CCDC30: variants seen among roughly 807,000 people sequenced by gnomAD.
CCDC30 encodes coiled-coil domain-containing protein 30.
CCDC30 carries 70 observed loss-of-function variants against 100.2 expected under a neutral mutation model. The observed-to-expected ratio is 0.70, with a 90% CI of 0.58 to 0.85. The LOEUF (loss-of-function observed/expected upper bound fraction) is 0.85. Ranked by LOEUF, CCDC30 falls within the 40% of genes least tolerant of loss-of-function variation. The pLI, the probability that CCDC30 is intolerant of heterozygous loss-of-function variation, is 0.00. For missense variants in CCDC30, 652 were observed against 771.2 expected, an observed-to-expected ratio of 0.85 and a Z score of 1.83; for synonymous variants, 233 against 269.5, an observed-to-expected ratio of 0.86 and a Z score of 1.33.
At chr1:42,496,923 A>G (rs1038038778) in intron 4 of CCDC30, among the ~76,000 whole-genome samples, 175 bp from the exon 5 acceptor site, 2 of 152,204 alleles carry the variant, frequency 1.3e-5, no homozygotes, top group Non-Finnish European at 2.9e-5. Context: ...ATATTCTAGG[A>G]CTAGACTTGA....
intron 3 of CCDC30, among the ~76,000 whole-genome samples, chr1:42,485,502 T>C (rs987694357): frequency 4.6e-5 from 7 of 152,064 alleles, no homozygotes; most frequent in Non-Finnish European, 1.0e-4. Context: ...AATTTAAAAA[T>C]GGGCAAAAGG....
chr1:42,459,854 C>T (rs146331223), upstream of CCDC30: 13 of 1,613,960 alleles, frequency 8.1e-6, no homozygotes, highest in African/African-American at 9.3e-5. Flanking sequence ...TAGAAAAAGG[C>T]GTAGAGATAG....
chr1:42,456,112 G>T, the CCDC30 span: 4 of 784,842 alleles, frequency 5.1e-6, no homozygotes, highest in African/African-American at 1.7e-5. Flanking sequence ...AGGGCAGAGG[G>T]CGGCGGGACG....
chr1:42,511,213 C>T (rs1644472765), intron 6 of CCDC30, among the ~76,000 whole-genome samples: 2 of 152,072 alleles, frequency 1.3e-5, no homozygotes, highest in Admixed American at 1.3e-4. Context: ...AGTTGTGGAA[C>T]CAGAGGAACT....
At chr1:42,563,853 G>A (rs12033466) in intron 6 of CCDC30, among the ~76,000 whole-genome samples, 30,298 of 151,538 alleles carry the variant, frequency 0.2, 3,330 homozygotes, top group South Asian at 0.42. Flanking sequence ...CTCCAGCCTG[G>A]GCGACAAAGC....
At chr1:42,638,085 T>C (rs1011313661) in intron 12 of CCDC30, among the ~76,000 whole-genome samples, 2 of 152,202 alleles carry the variant, frequency 1.3e-5, no homozygotes, top group African/African-American at 4.8e-5. Flanking sequence ...TTAATGTAAT[T>C]TCAGTGATTC....
At chr1:42,619,865 G>C (rs1646798296) in intron 11 of CCDC30, among the ~76,000 whole-genome samples, 1 of 152,038 alleles carries the variant, frequency 6.6e-6, no homozygotes, top group Non-Finnish European at 1.5e-5. Flanking sequence ...TTCTGAATAG[G>C]TATCCTGAAA....
At chr1:42,545,162 T>A (rs4261150) in intron 6 of CCDC30, among the ~76,000 whole-genome samples, 1,322 of 64,532 alleles carry the variant, frequency 0.02, 45 homozygotes, top group South Asian at 0.052. Flanking sequence ...AAAATACCTT[T>A]AAAAAAAAAA....
chr1:42,650,254 G>T (rs1011135666), intron 15 of CCDC30, among the ~76,000 whole-genome samples: 1 of 151,952 alleles, frequency 6.6e-6, no homozygotes, highest in African/African-American at 2.4e-5. Context: ...AGGCTGAGGG[G>T]GGCAGATTGC....
intron 6 of CCDC30, among the ~76,000 whole-genome samples, chr1:42,541,506 G>C (rs1041581075): frequency 6.6e-6 from 1 of 152,222 alleles, no homozygotes; most frequent in Non-Finnish European, 1.5e-5. Context: ...ACACTACAGA[G>C]ATAATGTTGT....
At chr1:42,474,525 T>C (rs886810707) in intron 1 of CCDC30, among the ~76,000 whole-genome samples, 3 of 152,218 alleles carry the variant, frequency 2.0e-5, no homozygotes, top group African/African-American at 7.2e-5. Flanking sequence ...CCTATGTTCC[T>C]TCTATACTAT....
intron 3 of CCDC30, among the ~76,000 whole-genome samples, chr1:42,483,922 G>T (rs1340465083): frequency 6.6e-6 from 1 of 151,366 alleles, no homozygotes; most frequent in Non-Finnish European, 1.5e-5. Flanking sequence ...GTTTTGGGGG[G>T]GTACTTTTAT....
chr1:42,509,717 A>C (rs927520019), intron 6 of CCDC30, among the ~76,000 whole-genome samples: 1 of 152,188 alleles, frequency 6.6e-6, no homozygotes, highest in Non-Finnish European at 1.5e-5. Context: ...AGAATCATGC[A>C]GAAAGACACA....
intron 10 of CCDC30, among the ~76,000 whole-genome samples, chr1:42,609,309 T>C (rs2148638704): frequency 6.6e-6 from 1 of 152,358 alleles, no homozygotes; most frequent in East Asian, 1.9e-4. Context: ...TTTTATTTTC[T>C]CTAGTTTACT....
At chr1:42,456,438 G>A in the CCDC30 span, 1 of 1,001,270 alleles carries the variant, frequency 1.0e-6, no homozygotes, top group East Asian at 2.8e-5. Flanking sequence ...GCGAGATCGG[G>A]ACCTAGTGTC....
At chr1:42,655,617 G>A (rs550936989), downstream of CCDC30, among the ~76,000 whole-genome samples, 16 of 152,008 alleles carry the variant, frequency 1.1e-4, no homozygotes, top group African/African-American at 3.4e-4. Flanking sequence ...TGGGGGAGGG[G>A]GTATGAGAAG....
intron 12 of CCDC30, among the ~76,000 whole-genome samples, chr1:42,641,215 TTGTG>T (rs71065188): frequency 0.024 from 3,230 of 132,330 alleles, 50 homozygotes; most frequent in African/African-American, 0.048. Flanking sequence ...CACATGGCTT[TTGTG>T]TGTGTGTGTG....
At chr1:42,536,572 G>A in intron 6 of CCDC30, 1 of 1,612,488 alleles carries the variant, frequency 6.2e-7, no homozygotes, top group Non-Finnish European at 8.5e-7. Context: ...TCTTGACACT[G>A]CAGAGAAGGC....
intron 6 of CCDC30, among the ~76,000 whole-genome samples, chr1:42,528,119 G>C (rs1346899742): frequency 6.6e-6 from 1 of 152,036 alleles, no homozygotes; most frequent in African/African-American, 2.4e-5. Context: ...ACCTTCCTTG[G>C]CCTCCAAAAG....
Sources: allele counts gnomAD v4.1 joint callset (sites outside exome capture counted in the v4.1 genomes callset), GRCh38; gene constraint gnomAD v4.1.1; transcripts MANE v1.5; gene names NCBI Gene and HGNC (gene_info 2026-07-23, HGNC 2026-07-21).